The following ATP8A2 variants were observed in gnomAD, a reference collection of about 807,000 sequenced individuals.
ATP8A2 encodes phospholipid-transporting ATPase IB.
A neutral mutation model predicts 165.6 loss-of-function variants in ATP8A2; 100 were observed. That is an observed-to-expected ratio of 0.60 (90% CI 0.51 to 0.71). The LOEUF (loss-of-function observed/expected upper bound fraction) is 0.71. Ranked by LOEUF, ATP8A2 falls within the 30% of genes least tolerant of loss-of-function variation. ATP8A2 has a pLI of 0.00. For synonymous variants in ATP8A2, 543 were observed against 548.8 expected, an observed-to-expected ratio of 0.99 and a Z score of 0.15; for missense variants, 1,227 against 1,479.5, an observed-to-expected ratio of 0.83 and a Z score of 2.80.
chr13:25,816,695 C>G (rs952782247), intron 27 of ATP8A2, among the ~76,000 whole-genome samples: 2 of 152,166 alleles, frequency 1.3e-5, no homozygotes, highest in East Asian at 1.9e-4. Flanking sequence ...GTAAACAGTT[C>G]AGTAACTGAA....
At chr13:25,394,344 A>G (rs1001398510) in intron 1 of ATP8A2, among the ~76,000 whole-genome samples, 3 of 152,228 alleles carry the variant, frequency 2.0e-5, no homozygotes, top group Non-Finnish European at 2.9e-5. Context: ...GTTGCTCAGG[A>G]TAATTCATTA....
chr13:25,844,067 A>G (rs1951805904), intron 30 of ATP8A2, among the ~76,000 whole-genome samples: 1 of 152,114 alleles, frequency 6.6e-6, no homozygotes, highest in African/African-American at 2.4e-5. Flanking sequence ...CACTGAGGCC[A>G]TGGGAATTAT....
At position 25,658,246 on chromosome 13, in the gene ATP8A2, G is replaced by A. The variant is rs73476837; in HGVS notation, c.2212-40927G>A. Among the ~76,000 whole-genome samples, 725 of 152,276 alleles carry A rather than the reference G, an allele frequency of 4.8e-3. 3 individuals carry two copies. The highest frequency in any genetic ancestry group is 0.017 in the African/African-American group (688 of 41,550). ...AGAATTTAAAAGTGTTACCATAGAG[G>A]CAGATGTGCCTCTAGAATTACCTGT... On this transcript the variant is annotated intron_variant, in intron 24 of 36. Coordinates refer to ENST00000381655, the MANE Select transcript of ATP8A2 (RefSeq NM_016529.6).
At position 25,551,425 on chromosome 13, in the gene ATP8A2, A is replaced by G. The variant is rs2038819842; in HGVS notation, c.979A>G (p.Met327Val). 6.2e-7 allele frequency: 1 copy of G among 1,614,028 alleles called. No individual in the cohort carries two copies. Among genetic ancestry groups the G allele is most frequent in the East Asian group, 2.2e-5 (1 of 44,884 alleles). The change falls in exon 11 of 37, where the codon ATG becomes GTG. Residue 327 changes from methionine (M) to valine (V), a missense_variant. Physicochemically the swap from Met to Val is conservative, Grantham distance 21. Coordinates refer to ENST00000381655, the MANE Select transcript of ATP8A2 (RefSeq NM_016529.6). ...ILVLFGILLVMALVSSAGALY... is the reference protein window; with the variant it reads ...ILVLFGILLVVALVSSAGALY... ...GGTGTTGTTTGGCATCCTCTTGGTC[A>G]TGGCCTTGGTGAGCTCGGCGGGGGC...
intron 14 of ATP8A2, among the ~76,000 whole-genome samples, chr13:25,559,438 A>G (rs1325199490): frequency 6.6e-6 from 1 of 152,220 alleles, no homozygotes; most frequent in Non-Finnish European, 1.5e-5. Flanking sequence ...AGGCTGAGGC[A>G]GGAGAATCGC....
At chr13:25,485,779 A>G (rs1290612549) in intron 2 of ATP8A2, among the ~76,000 whole-genome samples, 1 of 152,216 alleles carries the variant, frequency 6.6e-6, no homozygotes, top group Non-Finnish European at 1.5e-5. Context: ...AGTTCTCTTA[A>G]TGTTTAGTTT....
At chr13:25,384,649 G>T (rs189684703) in intron 1 of ATP8A2, among the ~76,000 whole-genome samples, 23 of 151,660 alleles carry the variant, frequency 1.5e-4, no homozygotes, top group South Asian at 2.1e-4. Flanking sequence ...TTTTTTTCTT[G>T]GAAAGATCTC....
chr13:25,949,862 A>G (rs958834229), intron 33 of ATP8A2, among the ~76,000 whole-genome samples: 2 of 152,088 alleles, frequency 1.3e-5, no homozygotes, highest in Non-Finnish European at 2.9e-5. Context: ...TGCAGTGGCA[A>G]GATCATAGTT....
chr13:25,801,447 T>C (rs868438406), intron 27 of ATP8A2, among the ~76,000 whole-genome samples: 34 of 152,086 alleles, frequency 2.2e-4, no homozygotes, highest in African/African-American at 7.5e-4. Context: ...TACAGGTAAA[T>C]GTGAGCCAGT....
intron 2 of ATP8A2, among the ~76,000 whole-genome samples, chr13:25,475,785 C>T (rs963043890): frequency 6.6e-6 from 1 of 152,060 alleles, no homozygotes; most frequent in African/African-American, 2.4e-5. Context: ...GCATTTTTTT[C>T]ATATGTTTGT....
intron 25 of ATP8A2, among the ~76,000 whole-genome samples, chr13:25,748,740 C>T (rs972582072): frequency 2.0e-5 from 3 of 152,162 alleles, no homozygotes; most frequent in African/African-American, 7.2e-5. Flanking sequence ...GAGTAAACAG[C>T]GTTGCTGCGG....
chr13:25,472,965 G>A (rs1049941384), intron 2 of ATP8A2, among the ~76,000 whole-genome samples: 14 of 152,194 alleles, frequency 9.2e-5, no homozygotes, highest in African/African-American at 3.1e-4. Flanking sequence ...GGAGGGCAGC[G>A]AGGGGCGGCA....
intron 25 of ATP8A2, among the ~76,000 whole-genome samples, chr13:25,744,328 C>CG (rs2043981590): frequency 6.6e-6 from 1 of 151,966 alleles, no homozygotes; most frequent in African/African-American, 2.4e-5. Context: ...ACTCACCACC[C>CG]CCCCGTGTGT....
chr13:25,595,992 A>G (rs574982225), intron 24 of ATP8A2, among the ~76,000 whole-genome samples: 2 of 152,330 alleles, frequency 1.3e-5, no homozygotes, highest in Admixed American at 1.3e-4. Flanking sequence ...TAGGACTACA[A>G]CATTCATTGA....
At chr13:25,574,364 C>G (rs2039555464) in intron 18 of ATP8A2, among the ~76,000 whole-genome samples, 1 of 152,178 alleles carries the variant, frequency 6.6e-6, no homozygotes. Context: ...TGTTTATGAT[C>G]TTTATGAATC....
At chr13:25,720,366 G>T (rs2043352187) in intron 25 of ATP8A2, among the ~76,000 whole-genome samples, 1 of 151,692 alleles carries the variant, frequency 6.6e-6, no homozygotes, top group Non-Finnish European at 1.5e-5. Flanking sequence ...GTTTCACCGT[G>T]TTCACCAGGA....
At chr13:25,835,596 C>T (rs1043582067) in intron 28 of ATP8A2, among the ~76,000 whole-genome samples, 12 of 152,216 alleles carry the variant, frequency 7.9e-5, no homozygotes, top group African/African-American at 2.9e-4. Flanking sequence ...GTGACCCAGG[C>T]TGTGTGAACC....
rs139242813 is a variant in ATP8A2 at position 25,794,766 on chromosome 13, A to G, written c.2679+19807A>G. ...TTGAATCAGGCCAAGGATAACATCT[A>G]TCAGAAAGGTCTTTTATTGATATTG... On this transcript the variant is annotated intron_variant, in intron 27 of 36. Coordinates refer to ENST00000381655, the MANE Select transcript of ATP8A2 (RefSeq NM_016529.6). Among the ~76,000 whole-genome samples the G allele has an allele frequency of 5.1e-4, 77 of 151,500 alleles. 1 individual carries two copies. Among genetic ancestry groups the G allele is most frequent in the African/African-American group, 1.8e-3 (75 of 41,324 alleles).
intron 25 of ATP8A2, among the ~76,000 whole-genome samples, chr13:25,709,741 T>A (rs1158342811): frequency 6.6e-6 from 1 of 152,174 alleles, no homozygotes. Flanking sequence ...ATGATATTAG[T>A]TTAATGACAC....
Sources: allele counts gnomAD v4.1 joint callset (sites outside exome capture counted in the v4.1 genomes callset), GRCh38; gene constraint gnomAD v4.1.1; transcripts MANE v1.5; gene names NCBI Gene and HGNC (gene_info 2026-07-23, HGNC 2026-07-21).